Variants in UNC13C observed in about 807,000 individuals in gnomAD.
UNC13C encodes the protein unc-13 homolog C, also known as protein unc-13 homolog C.
In UNC13C, 174 loss-of-function variants were observed where a neutral mutation model predicts 245.4. The observed-to-expected ratio is 0.71, with a 90% CI of 0.63 to 0.80. The LOEUF (loss-of-function observed/expected upper bound fraction) is 0.80. UNC13C is among the 30% of genes least tolerant of loss of function. UNC13C has a pLI of 0.00. For missense variants in UNC13C, 2,829 were observed against 2,602.9 expected, an observed-to-expected ratio of 1.09 and a Z score of -1.89; for synonymous variants, 992 against 895.1, an observed-to-expected ratio of 1.11 and a Z score of -1.93.
intron 2 of UNC13C, among the ~76,000 whole-genome samples, chr15:54,042,569 T>C (rs966304917): frequency 6.6e-6 from 1 of 152,200 alleles, no homozygotes; most frequent in African/African-American, 2.4e-5. Context: ...AACCACTTAC[T>C]GAGGCCGGGT....
chr15:54,065,117 A>G (rs1393104807), intron 2 of UNC13C, among the ~76,000 whole-genome samples: 1 of 152,198 alleles, frequency 6.6e-6, no homozygotes, highest in Non-Finnish European at 1.5e-5. Context: ...TGCAGTAGGC[A>G]TTTCAAATGA....
Position 54,393,113 on chromosome 15 carries a change from C to T in UNC13C, c.4779C>T (p.Pro1593=), listed in dbSNP as rs374005929. Residue 1593 remains proline, a synonymous_variant, in exon 18 of 33, where the codon CCC becomes CCT. Coordinates refer to ENST00000260323, the MANE Select transcript of UNC13C (RefSeq NM_001080534.3). The stretch of plus-strand genomic sequence containing the variant: ...CCACCAAGAATTTGGATTTTTGGCC[C>T]CAACTTATTACACTGATGGTTACTA... The part of the protein sequence containing the change: ...GPTTKNLDFW[P]QLITLMVTII... 1.2e-5 allele frequency: 19 copies of T among 1,610,126 alleles called. No homozygotes were observed. The African/African-American group carries it at 2.3e-4, about 19-fold the overall frequency.
At chr15:54,355,365 CT>C (rs200012201) in intron 17 of UNC13C, among the ~76,000 whole-genome samples, 2 of 151,030 alleles carry the variant, frequency 1.3e-5, no homozygotes, top group East Asian at 1.9e-4. Context: ...TCTCACTTTG[CT>C]TTTTTTTTGA....
intron 22 of UNC13C, among the ~76,000 whole-genome samples, chr15:54,506,593 G>A (rs1270212394): frequency 6.6e-6 from 1 of 152,092 alleles, no homozygotes; most frequent in African/African-American, 2.4e-5. Context: ...TTTTCAAAGT[G>A]TGTAAGCAAG....
chr15:53,877,550 G>A, the UNC13C span, among the ~76,000 whole-genome samples: 1 of 151,100 alleles, frequency 6.6e-6, no homozygotes, highest in Non-Finnish European at 1.5e-5. Context: ...AAATAGGAAG[G>A]CTAGTGTGTT....
intron 26 of UNC13C, 26 bp from the exon 27 acceptor site, chr15:54,546,696 A>AATAT (rs141252841): frequency 7.5e-7 from 1 of 1,337,894 alleles, no homozygotes; most frequent in Non-Finnish European, 9.8e-7. Context: ...TTTAAAAGTG[A>AATAT]ATATATATAT....
Position 54,397,780 on chromosome 15 carries a change from A to G in UNC13C, c.4847+4599A>G, listed in dbSNP as rs192704148. On this transcript the variant is annotated intron_variant, in intron 18 of 32. Transcript: ENST00000260323. ...TATCTTAAATGGTACTTTTAATTCT[A>G]ATTTCTCATTCTTTGTTAATAGTAC... 9.2e-5 allele frequency among the ~76,000 whole-genome samples: 14 copies of G among 151,420 alleles called. No homozygotes were observed. The East Asian group carries it at 2.7e-3, about 29-fold the overall frequency.
chr15:53,935,153 G>C, the UNC13C span, among the ~76,000 whole-genome samples: 50,582 of 102,980 alleles, frequency 0.49, 8,816 homozygotes, highest in East Asian at 0.64. Flanking sequence ...TTATCCTCCT[G>C]ATTAAAAAAA....
chr15:54,469,207 C>T (rs11633204), intron 19 of UNC13C, among the ~76,000 whole-genome samples: 15,141 of 151,372 alleles, frequency 0.1, 1,066 homozygotes, highest in African/African-American at 0.2. Context: ...GGATTGTGTT[C>T]TCAATTTCTA....
intron 2 of UNC13C, among the ~76,000 whole-genome samples, chr15:54,031,612 G>A (rs1896361899): frequency 6.6e-6 from 1 of 152,202 alleles, no homozygotes; most frequent in Admixed American, 6.5e-5. Flanking sequence ...CATAGAACCA[G>A]AGCATTAGTT....
chr15:54,456,994 A>T (rs933885897), intron 19 of UNC13C, among the ~76,000 whole-genome samples: 2 of 152,172 alleles, frequency 1.3e-5, no homozygotes, highest in African/African-American at 4.8e-5. Context: ...TTCCATGTTC[A>T]GTATAATGTT....
intron 10 of UNC13C, among the ~76,000 whole-genome samples, chr15:54,277,376 C>T (rs1161845659): frequency 6.6e-6 from 1 of 152,116 alleles, no homozygotes; most frequent in African/African-American, 2.4e-5. Context: ...ACCTCTTGAG[C>T]TTTTATTATG....
At chr15:54,056,407 A>C (rs1234472713) in intron 2 of UNC13C, among the ~76,000 whole-genome samples, 1 of 152,188 alleles carries the variant, frequency 6.6e-6, no homozygotes, top group Non-Finnish European at 1.5e-5. Context: ...AGAAGTTTAG[A>C]GAAAAAAGAA....
At position 54,293,909 on chromosome 15, in the gene UNC13C, C is replaced by T. The variant is rs777627907; in HGVS notation, c.3833C>T (p.Ser1278Phe). 4.5e-6 allele frequency: 7 copies of T among 1,569,822 alleles called. No homozygotes were observed. Among genetic ancestry groups the T allele is most frequent in the Middle Eastern group, 1.7e-4 (1 of 5,880 alleles). Residue 1278 changes from serine to phenylalanine, a missense_variant, in exon 11 of 33, where the codon TCC (serine) becomes TTC (phenylalanine). Coordinates refer to ENST00000260323, the MANE Select transcript of UNC13C (RefSeq NM_001080534.3). ...DEKFYFECHN[S>F]TDRIKVRVWD... Reference sequence around the variant, plus strand: ...TTTATTTTCAGTGAGTGTCATAACTCCACAGATCGAATCAAAGTCAGAGTA... The same window carrying T: ...TTTATTTTCAGTGAGTGTCATAACTTCACAGATCGAATCAAAGTCAGAGTA...
chr15:53,946,895 G>T, the UNC13C span, among the ~76,000 whole-genome samples: 4 of 152,056 alleles, frequency 2.6e-5, no homozygotes, highest in Admixed American at 2.6e-4. Flanking sequence ...GATTTGGTTT[G>T]CAAGTATTTT....
At chr15:54,106,554 C>A (rs1900457321) in intron 2 of UNC13C, among the ~76,000 whole-genome samples, 1 of 152,112 alleles carries the variant, frequency 6.6e-6, no homozygotes, top group African/African-American at 2.4e-5. Flanking sequence ...TCTTATTGCT[C>A]TTCTTTAGTT....
Position 54,005,973 on chromosome 15 carries a change from G to A in UNC13C, c.-256-6675G>A, listed in dbSNP as rs192942828. On this transcript the variant is annotated intron_variant, in intron 1 of 32. Coordinates refer to ENST00000260323, the MANE Select transcript of UNC13C (RefSeq NM_001080534.3). ...TGGAGGATATTACTTTAGGGGGCCG[G>A]TAAACTGCTGTAGTATTCTATGTCT... Among the ~76,000 whole-genome samples, 124 of 152,186 alleles carry A rather than the reference G, an allele frequency of 8.1e-4. 1 individual carries two copies. The highest frequency in any genetic ancestry group is 1.2e-3 in the Non-Finnish European group (82 of 68,002).
chr15:54,230,624 A>G (rs2035525048), intron 4 of UNC13C, among the ~76,000 whole-genome samples: 1 of 152,076 alleles, frequency 6.6e-6, no homozygotes, highest in African/African-American at 2.4e-5. Flanking sequence ...GGCACATAGC[A>G]ATATACTGTA....
At chr15:54,238,734 A>G (rs1184243715) in intron 7 of UNC13C, among the ~76,000 whole-genome samples, 2 of 152,204 alleles carry the variant, frequency 1.3e-5, no homozygotes, top group African/African-American at 4.8e-5. Flanking sequence ...GAATGATTCT[A>G]CCACTATGGC....
Sources: gnomAD v4.1 joint callset for allele counts (sites outside exome capture counted in the v4.1 genomes callset) on GRCh38, gnomAD v4.1.1 for gene constraint, MANE v1.5 for transcripts, NCBI Gene and HGNC (gene_info 2026-07-23, HGNC 2026-07-21) for gene names.